Variants in DLGAP2 observed in about 807,000 individuals in gnomAD.
The protein encoded by DLGAP2 is disks large-associated protein 2.
DLGAP2 carries 26 observed loss-of-function variants against 100.3 expected under a neutral mutation model. The observed-to-expected ratio is 0.26, with a 90% CI of 0.19 to 0.36. DLGAP2 has a LOEUF of 0.36. DLGAP2 is among the 10% of genes least tolerant of loss of function. The pLI, the probability that DLGAP2 is intolerant of heterozygous loss-of-function variation, is 1.00. For missense variants in DLGAP2, 1,858 were observed against 1,453.2 expected, an observed-to-expected ratio of 1.28 and a Z score of -4.53; for synonymous variants, 886 against 630.1, an observed-to-expected ratio of 1.41 and a Z score of -6.08.
At chr8:1,146,190 G>C (rs1181874933) in intron 2 of DLGAP2, among the ~76,000 whole-genome samples, 1 of 152,204 alleles carries the variant, frequency 6.6e-6, no homozygotes, top group East Asian at 1.9e-4. Flanking sequence ...CAGGTGCTGT[G>C]ACAGCATCTT....
intron 3 of DLGAP2, among the ~76,000 whole-genome samples, chr8:1,454,310 A>C (rs1390155168): frequency 6.6e-6 from 1 of 151,426 alleles, no homozygotes; most frequent in African/African-American, 2.4e-5. Context: ...GAACAGTAGC[A>C]TCCATGGCAG....
chr8:1,233,632 GC>G (rs144817333), intron 2 of DLGAP2, among the ~76,000 whole-genome samples: 8,911 of 152,196 alleles, frequency 0.059, 542 homozygotes, highest in African/African-American at 0.15. Flanking sequence ...GGTCCAATGG[GC>G]AAGACTTGCT....
Position 1,438,485 on chromosome 8 carries a change from A to T in DLGAP2, c.107-62881A>T, listed in dbSNP as rs190423405. On this transcript the variant is annotated intron_variant, in intron 3 of 14. Coordinates refer to ENST00000637795, the MANE Select transcript of DLGAP2 (RefSeq NM_001346810.2). ...AGGCCCAAAGAGCTGTGGCTTTTTA[A>T]AAAAAAACCACCATACGTATGTAAG... Among the ~76,000 whole-genome samples the T allele has an allele frequency of 1.1e-3, 169 of 152,248 alleles. 1 individual carries two copies. The highest frequency in any genetic ancestry group is 3.0e-3 in the African/African-American group (126 of 41,544).
At chr8:1,175,920 G>A (rs1223442750) in intron 2 of DLGAP2, among the ~76,000 whole-genome samples, 1 of 152,104 alleles carries the variant, frequency 6.6e-6, no homozygotes, top group Non-Finnish European at 1.5e-5. Context: ...CCTCCCTCTC[G>A]GCTTTGCCAT....
chr8:1,318,099 AGCGT>A (rs1193179839), intron 3 of DLGAP2, among the ~76,000 whole-genome samples: 62 of 87,156 alleles, frequency 7.1e-4, no homozygotes, highest in African/African-American at 2.7e-3. Context: ...GTGCGAGTGC[AGCGT>A]CTCTCCAACA....
At chr8:1,268,531 A>G (rs1799513511) in intron 3 of DLGAP2, among the ~76,000 whole-genome samples, 1 of 152,204 alleles carries the variant, frequency 6.6e-6, no homozygotes, top group African/African-American at 2.4e-5. Context: ...TTGTTTTAAA[A>G]TGAGAACATC....
chr8:1,416,921 T>C (rs1796902513), intron 3 of DLGAP2, among the ~76,000 whole-genome samples: 2 of 152,164 alleles, frequency 1.3e-5, no homozygotes, highest in African/African-American at 4.8e-5. Context: ...AATGCGCTTT[T>C]GTTCCCGGAA....
intron 1 of DLGAP2, among the ~76,000 whole-genome samples, chr8:798,280 C>T (rs538021998): frequency 3.6e-4 from 54 of 149,146 alleles, no homozygotes; most frequent in Admixed American, 3.6e-3. Flanking sequence ...ACCTGCAGCC[C>T]CGTGCCCCGG....
chr8:1,046,784 G>C (rs1802527837), intron 2 of DLGAP2, among the ~76,000 whole-genome samples: 1 of 151,992 alleles, frequency 6.6e-6, no homozygotes, highest in African/African-American at 2.4e-5. Context: ...TGTGGAATGA[G>C]GAATTTGTGA....
chr8:1,548,513 G>A (rs935282724), intron 4 of DLGAP2, 113 bp from the exon 5 acceptor site: 46 of 707,090 alleles, frequency 6.5e-5, no homozygotes, highest in Admixed American at 4.1e-4. Context: ...CGAGTGCCCA[G>A]GCCAGACATG....
chr8:1,637,521 C>T (rs752758470), intron 8 of DLGAP2, among the ~76,000 whole-genome samples: 20 of 151,896 alleles, frequency 1.3e-4, no homozygotes, highest in Admixed American at 4.6e-4. Context: ...CAAAAAGCTG[C>T]GTTTCAGTAA....
intron 3 of DLGAP2, among the ~76,000 whole-genome samples, chr8:1,482,973 G>A (rs1310305847): frequency 1.3e-5 from 2 of 152,254 alleles, no homozygotes; most frequent in Non-Finnish European, 2.9e-5. Flanking sequence ...CCATCCTCAC[G>A]TCCCGTGCTC....
intron 2 of DLGAP2, among the ~76,000 whole-genome samples, chr8:942,948 G>T (rs1017474451): frequency 2.6e-5 from 4 of 152,274 alleles, no homozygotes; most frequent in African/African-American, 9.6e-5. Context: ...TGCGTTGCAA[G>T]GGTGTGCGGA....
At chr8:1,472,375 G>A (rs76680579) in intron 3 of DLGAP2, among the ~76,000 whole-genome samples, 4,003 of 152,276 alleles carry the variant, frequency 0.026, 163 homozygotes, top group African/African-American at 0.092. Flanking sequence ...AGCGGGTGTG[G>A]CCCTTGCAGT....
At chr8:975,977 C>A (rs1800152461) in intron 2 of DLGAP2, among the ~76,000 whole-genome samples, 1 of 152,082 alleles carries the variant, frequency 6.6e-6, no homozygotes, top group African/African-American at 2.4e-5. Flanking sequence ...ACCCTGAAAC[C>A]AATAAACAAT....
intron 1 of DLGAP2, among the ~76,000 whole-genome samples, chr8:884,280 C>T (rs749057031): frequency 6.6e-6 from 1 of 152,192 alleles, no homozygotes; most frequent in Non-Finnish European, 1.5e-5. Context: ...CTTCCTGTTT[C>T]TCTGCAGCCT....
intron 1 of DLGAP2, among the ~76,000 whole-genome samples, chr8:811,155 C>T (rs991857272): frequency 7.2e-5 from 11 of 152,384 alleles, no homozygotes; most frequent in Admixed American, 1.3e-4. Context: ...TCCATTATCC[C>T]GCCTGTGGGC....
chr8:854,817 G>A (rs894596256), intron 1 of DLGAP2, among the ~76,000 whole-genome samples: 3 of 152,192 alleles, frequency 2.0e-5, no homozygotes, highest in Non-Finnish European at 2.9e-5. Context: ...TTCAGGATGA[G>A]GTCCCTGAGA....
intron 1 of DLGAP2, among the ~76,000 whole-genome samples, chr8:838,502 C>T (rs985247310): frequency 6.6e-6 from 1 of 151,858 alleles, no homozygotes; most frequent in Non-Finnish European, 1.5e-5. Context: ...ATATATGGGT[C>T]TTCAGGAATT....
Sources: allele counts gnomAD v4.1 joint callset (sites outside exome capture counted in the v4.1 genomes callset), GRCh38; gene constraint gnomAD v4.1.1; transcripts MANE v1.5; gene names NCBI Gene and HGNC (gene_info 2026-07-23, HGNC 2026-07-21).